STK32B: variants seen among roughly 807,000 people sequenced by gnomAD.
STK32B encodes the protein serine/threonine-protein kinase 32B.
In STK32B, 43 loss-of-function variants were observed where a neutral mutation model predicts 52.6. That is an observed-to-expected ratio of 0.82 (90% CI 0.64 to 1.05). STK32B has a LOEUF of 1.05. Among genes scored for constraint, STK32B ranks in the 50% least tolerant of loss-of-function variants. The pLI, the probability that STK32B is intolerant of heterozygous loss-of-function variation, is 0.00. For missense variants in STK32B, 621 were observed against 534.6 expected (o/e 1.16, Z -1.59); for synonymous variants, 238 against 204.3 (o/e 1.17, Z -1.41).
chr4:5,231,360 C>T (rs1489629789), intron 3 of STK32B, among the ~76,000 whole-genome samples: 1 of 152,234 alleles, frequency 6.6e-6, no homozygotes, highest in African/African-American at 2.4e-5. Context: ...CCTATAATCT[C>T]ATCACTCTGG....
At chr4:5,173,691 T>G (rs1243337523) in intron 3 of STK32B, among the ~76,000 whole-genome samples, 1 of 152,328 alleles carries the variant, frequency 6.6e-6, no homozygotes, top group Non-Finnish European at 1.5e-5. Context: ...GTTTCTGTTC[T>G]TTTACATTTG....
chr4:5,080,813 A>G (rs1025735440), intron 1 of STK32B, among the ~76,000 whole-genome samples: 1 of 151,850 alleles, frequency 6.6e-6, no homozygotes, highest in Non-Finnish European at 1.5e-5. Flanking sequence ...CTTGAGATCT[A>G]CTCACTTAGC....
At position 5,165,788 on chromosome 4, in the gene STK32B, G is replaced by A. The variant is rs560786063; in HGVS notation, c.109-2511G>A. ...ATTTTATATTCTCACGTTCACTACTGGAAATGGGTGTTCTGTGGGCCTTCG... is the reference window on the plus strand; with the variant it reads ...ATTTTATATTCTCACGTTCACTACTAGAAATGGGTGTTCTGTGGGCCTTCG... On this transcript the variant is annotated intron_variant, in intron 2 of 11. Transcript: ENST00000282908. 1.8e-4 allele frequency among the ~76,000 whole-genome samples: 27 copies of A among 152,230 alleles called. 1 individual carries two copies. The South Asian group carries it at 5.4e-3, about 30-fold the overall frequency.
intron 1 of STK32B, among the ~76,000 whole-genome samples, chr4:5,117,010 C>T (rs947035641): frequency 2.6e-5 from 4 of 152,124 alleles, no homozygotes; most frequent in Non-Finnish European, 4.4e-5. Context: ...TGCAACTTTA[C>T]GGAATTCATT....
chr4:5,420,010 G>T (rs1162957176), intron 6 of STK32B, among the ~76,000 whole-genome samples: 1 of 152,156 alleles, frequency 6.6e-6, no homozygotes, highest in Non-Finnish European at 1.5e-5. Context: ...ATGAAGACAG[G>T]CACATTAACT....
At chr4:5,438,422 G>A (rs1374835554) in intron 6 of STK32B, among the ~76,000 whole-genome samples, 1 of 152,154 alleles carries the variant, frequency 6.6e-6, no homozygotes, top group African/African-American at 2.4e-5. Context: ...GATAGGAAGA[G>A]GCAGACAAAA....
intron 2 of STK32B, among the ~76,000 whole-genome samples, chr4:5,166,200 G>A (rs543026469): frequency 1.3e-5 from 2 of 152,052 alleles, no homozygotes; most frequent in South Asian, 2.1e-4. Flanking sequence ...AGCCAACAGC[G>A]TTATTGCCGG....
intron 2 of STK32B, among the ~76,000 whole-genome samples, chr4:5,159,688 TATATATGA>T (rs1212762268): frequency 0.011 from 1,247 of 112,350 alleles, 213 homozygotes; most frequent in Admixed American, 0.043. Context: ...TATATATGAA[TATATATGA>T]ATATATATGA....
intron 4 of STK32B, among the ~76,000 whole-genome samples, chr4:5,341,744 C>T (rs1324341605): frequency 2.0e-5 from 3 of 152,142 alleles, no homozygotes; most frequent in Non-Finnish European, 4.4e-5. Flanking sequence ...TGTTCGGCTT[C>T]TGGGGAGGCC....
intron 3 of STK32B, among the ~76,000 whole-genome samples, chr4:5,285,267 G>A (rs1239251511): frequency 6.6e-6 from 1 of 152,118 alleles, no homozygotes; most frequent in Non-Finnish European, 1.5e-5. Context: ...AGATTTTTGA[G>A]TGTGGGGAGG....
intron 2 of STK32B, among the ~76,000 whole-genome samples, chr4:5,153,467 C>CTT (rs199700770): frequency 1.5e-4 from 21 of 142,304 alleles, no homozygotes; most frequent in Middle Eastern, 3.5e-3. Context: ...TTTTTCTTTC[C>CTT]TTTTTTTTTT....
intron 1 of STK32B, among the ~76,000 whole-genome samples, chr4:5,112,600 C>A (rs1374653214): frequency 1.3e-5 from 2 of 152,124 alleles, no homozygotes; most frequent in African/African-American, 4.8e-5. Flanking sequence ...TCTGCCAATT[C>A]AAATGTTAAT....
At chr4:5,464,596 G>A (rs919111519) in intron 9 of STK32B, among the ~76,000 whole-genome samples, 2 of 152,220 alleles carry the variant, frequency 1.3e-5, no homozygotes, top group Non-Finnish European at 2.9e-5. Flanking sequence ...GTGAATGAAC[G>A]AATGATGATG....
intron 3 of STK32B, among the ~76,000 whole-genome samples, chr4:5,197,732 C>T (rs1260259776): frequency 2.0e-5 from 3 of 152,060 alleles, no homozygotes; most frequent in Non-Finnish European, 4.4e-5. Context: ...TGGATGCTAT[C>T]CTTTTATTCA....
chr4:5,483,124 C>T (rs1208724589), intron 11 of STK32B, among the ~76,000 whole-genome samples: 1 of 151,878 alleles, frequency 6.6e-6, no homozygotes, highest in Non-Finnish European at 1.5e-5. Context: ...GGAGGATTCC[C>T]TCTTTTTCTA....
At chr4:5,250,406 G>A (rs570950450) in intron 3 of STK32B, among the ~76,000 whole-genome samples, 2 of 147,624 alleles carry the variant, frequency 1.4e-5, no homozygotes, top group East Asian at 2.0e-4. Context: ...TCCGCCTCCC[G>A]GCTTCAAGAG....
intron 3 of STK32B, among the ~76,000 whole-genome samples, chr4:5,321,355 A>G (rs1057389275): frequency 3.9e-5 from 6 of 152,138 alleles, no homozygotes; most frequent in African/African-American, 1.4e-4. Context: ...CCATTCTTTC[A>G]TTCAATGCCC....
intron 3 of STK32B, among the ~76,000 whole-genome samples, chr4:5,321,986 T>G (rs1731524438): frequency 7.1e-6 from 1 of 140,532 alleles, no homozygotes; most frequent in Admixed American, 7.7e-5. Context: ...GCTTCAAGAC[T>G]CTTGTGCCTC....
intron 1 of STK32B, among the ~76,000 whole-genome samples, chr4:5,057,132 G>C (rs1742037591): frequency 2.6e-5 from 4 of 152,228 alleles, no homozygotes; most frequent in Admixed American, 2.6e-4. Context: ...TTGAATGGAA[G>C]ATGAAAACAA....
Sources: gnomAD v4.1 joint callset for allele counts (sites outside exome capture counted in the v4.1 genomes callset) on GRCh38, gnomAD v4.1.1 for gene constraint, MANE v1.5 for transcripts, NCBI Gene and HGNC (gene_info 2026-07-23, HGNC 2026-07-21) for gene names.